Variants in UBE2B observed in about 807,000 individuals in gnomAD.
UBE2B encodes ubiquitin conjugating enzyme E2 B.
Under a neutral mutation model 24.6 loss-of-function variants are expected in UBE2B, and 11 were observed. The observed-to-expected ratio is 0.45, with a 90% confidence interval of 0.28 to 0.74. The LOEUF is 0.74. Ranked by LOEUF, UBE2B falls within the 30% of genes least tolerant of loss-of-function variation. The pLI is 0.13. For missense variants in UBE2B, 78 were observed against 185.6 expected, an observed-to-expected ratio of 0.42 and a Z score of 3.37; for synonymous variants, 68 against 62.4, an observed-to-expected ratio of 1.09 and a Z score of -0.42.
At chr5:134,372,409 G>A (rs1758479877) in intron 1 of UBE2B, among the ~76,000 whole-genome samples, 2 of 152,190 alleles carry the variant, frequency 1.3e-5, no homozygotes, top group African/African-American at 4.8e-5. Flanking sequence ...GTTTTGTTAG[G>A]AGGTATTGGG....
At chr5:134,371,686 G>C (rs1176042034) in intron 1 of UBE2B, 47 bp downstream of exon 1, 1 of 1,612,122 alleles carries the variant, frequency 6.2e-7, no homozygotes, top group Non-Finnish European at 8.5e-7. Context: ...CAAAGCTGCG[G>C]GGCTGCAGGG....
intron 4 of UBE2B, among the ~76,000 whole-genome samples, chr5:134,383,552 G>C (rs1484402528): frequency 7.1e-6 from 1 of 140,040 alleles, no homozygotes; most frequent in Non-Finnish European, 1.5e-5. Flanking sequence ...GCATGATCTC[G>C]GCTCACGGCA....
chr5:134,391,226 A>G lies in UBE2B; in HGVS notation c.*873A>G, dbSNP rs1758892059. ...CATGCCCCAGTATTAGCAATGAATTAGTTGCATTGGTTTGAGAAAGGCACA... is the reference window on the plus strand; with the variant it reads ...CATGCCCCAGTATTAGCAATGAATTGGTTGCATTGGTTTGAGAAAGGCACA... On this transcript the variant is annotated 3_prime_UTR_variant, in exon 6 of 6. Transcript: ENST00000265339. 1.3e-5 allele frequency: 2 copies of G among 152,438 alleles called. No individual in the cohort carries two copies. The highest frequency in any genetic ancestry group is 4.8e-5 in the African/African-American group (2 of 41,466). The allele number at this position is 152,438 out of a possible 1,614,324, so 9.4% of individuals were successfully genotyped here. A position where few individuals can be genotyped will look rare whatever the true frequency, so the allele number is the denominator to read the frequency against.
At chr5:134,378,272 G>GT (rs869030899) in intron 3 of UBE2B, among the ~76,000 whole-genome samples, 1 of 150,468 alleles carries the variant, frequency 6.6e-6, no homozygotes, top group Non-Finnish European at 1.5e-5. Flanking sequence ...TTTTTTGTTT[G>GT]TTTTTTGTTT....
At chr5:134,373,901 T>C (rs1396861879) in intron 1 of UBE2B, among the ~76,000 whole-genome samples, 1 of 152,236 alleles carries the variant, frequency 6.6e-6, no homozygotes. Flanking sequence ...ACATTTGGGT[T>C]GGTTCCAAGT....
intron 5 of UBE2B, 116 bp downstream of exon 5, chr5:134,388,529 A>G (rs2149694081): frequency 1.1e-6 from 1 of 925,832 alleles, no homozygotes; most frequent in Middle Eastern, 2.1e-4. Flanking sequence ...CTTTTCAGCT[A>G]ACTTTTCTCT....
intron 3 of UBE2B, among the ~76,000 whole-genome samples, chr5:134,379,579 G>A (rs1200018938): frequency 2.0e-5 from 3 of 149,892 alleles, no homozygotes; most frequent in Non-Finnish European, 4.4e-5. Context: ...CCAGGAGACG[G>A]AGGCTGCAGT....
intron 3 of UBE2B, among the ~76,000 whole-genome samples, chr5:134,379,005 CT>C (rs1414982107): frequency 6.6e-6 from 1 of 151,254 alleles, no homozygotes; most frequent in Non-Finnish European, 1.5e-5. Flanking sequence ...ATATTTGTTG[CT>C]GTTGATAAAA....
chr5:134,380,659 T>G, intron 3 of UBE2B, 60 bp from the exon 4 acceptor site: 2 of 990,762 alleles, frequency 2.0e-6, no homozygotes, highest in South Asian at 2.7e-5. Context: ...AGTTGAGAAC[T>G]GATGAAGAGA....
At chr5:134,388,056 G>A (rs910495531) in intron 4 of UBE2B, 18 of 429,034 alleles carry the variant, frequency 4.2e-5, no homozygotes, top group Admixed American at 7.1e-5. Flanking sequence ...TGCCTGCCTC[G>A]GCCTCCCAAA....
intron 3 of UBE2B, among the ~76,000 whole-genome samples, chr5:134,377,234 C>T (rs1426920996): frequency 6.6e-6 from 1 of 152,174 alleles, no homozygotes; most frequent in Non-Finnish European, 1.5e-5. Context: ...ACTTATCAAA[C>T]TGATTTTAAC....
intron 3 of UBE2B, 31 bp downstream of exon 3, chr5:134,376,725 G>A: frequency 1.9e-6 from 3 of 1,581,350 alleles, no homozygotes; most frequent in Non-Finnish European, 2.6e-6. Flanking sequence ...TTTCTATAGT[G>A]TTATGAGGTT....
intron 4 of UBE2B, among the ~76,000 whole-genome samples, chr5:134,384,295 T>G (rs1257996194): frequency 6.6e-6 from 1 of 152,190 alleles, no homozygotes; most frequent in African/African-American, 2.4e-5. Context: ...TTTCCAGTAA[T>G]AGATACTACC....
At chr5:134,374,341 C>A (rs775465492) in intron 1 of UBE2B, 42 bp from the exon 2 acceptor site, 56 of 1,545,020 alleles carry the variant, frequency 3.6e-5, no homozygotes, top group Non-Finnish European at 4.8e-5. Context: ...TCCTTAGTGG[C>A]CTTAATGTTC....
rs1259348288 is a variant in UBE2B at position 134,390,786 on chromosome 5, T to A, written c.*433T>A. The A allele has an allele frequency of 4.9e-6, 1 of 203,452 alleles. No homozygotes were observed. The allele number at this position is 203,452 out of a possible 1,614,324, so 12.6% of individuals were successfully genotyped here. On this transcript the variant is annotated 3_prime_UTR_variant, in exon 6 of 6. Coordinates refer to ENST00000265339, the MANE Select transcript of UBE2B (RefSeq NM_003337.4). The surrounding 1 kb of genome is among the most constrained non-coding windows in gnomAD (Gnocchi z 4.6). ...ATACATAACTTCAGTGCAAGAGACTTTGTCACTTATTTCCTTATGTGTGTA... is the reference window on the plus strand; with the variant it reads ...ATACATAACTTCAGTGCAAGAGACTATGTCACTTATTTCCTTATGTGTGTA...
At position 134,376,701 on chromosome 5, in the gene UBE2B, C is replaced by G; in HGVS notation, c.151+7C>G. On this transcript the variant is annotated splice_region_variant and intron_variant, in intron 3 of 5. Transcript: ENST00000265339. ...GGGACACCTTTTGAAGATGGTAAGT[C>G]ATACTCATTATGTTTTCTATAGTGT... The G allele has an allele frequency of 6.2e-7, 1 of 1,610,238 alleles. No individual in the cohort carries two copies. The highest frequency in any genetic ancestry group is 1.1e-5 in the South Asian group (1 of 90,580).
intron 4 of UBE2B, among the ~76,000 whole-genome samples, chr5:134,382,249 CAG>C (rs1304665804): frequency 6.6e-6 from 1 of 151,564 alleles, no homozygotes; most frequent in Non-Finnish European, 1.5e-5. Context: ...GACCAGGAGT[CAG>C]AGACCAGCCT....
chr5:134,371,574 GACCGCGGGGCA>G lies in UBE2B; in HGVS notation c.-21_-11del. 1 of 1,610,992 alleles carries G rather than the reference GACCGCGGGGCA, an allele frequency of 6.2e-7. No homozygotes were observed. Among genetic ancestry groups the G allele is most frequent in the Non-Finnish European group, 8.5e-7 (1 of 1,179,182 alleles). On this transcript the variant is annotated 5_prime_UTR_variant, in exon 1 of 6. Coordinates refer to ENST00000265339, the MANE Select transcript of UBE2B (RefSeq NM_003337.4). ...CGCGGGACTTTTTTTTTTTCAGACT[GACCGCGGGGCA>G]GCTGCGGAGCATGTCGACCCCGGCC...
At chr5:134,389,669 C>T (rs1181040626) in intron 5 of UBE2B, among the ~76,000 whole-genome samples, 1 of 152,078 alleles carries the variant, frequency 6.6e-6, no homozygotes, top group Non-Finnish European at 1.5e-5. Flanking sequence ...CTGCCTCAGC[C>T]TTCCGAGTAG....
Sources: gnomAD v4.1 joint callset for allele counts (sites outside exome capture counted in the v4.1 genomes callset) on GRCh38, gnomAD v4.1.1 for gene constraint, Gnocchi (gnomAD v3.1) non-coding constraint, MANE v1.5 for transcripts, NCBI Gene and HGNC (gene_info 2026-07-23, HGNC 2026-07-21) for gene names.